Variants in ATRNL1 observed in about 807,000 individuals in gnomAD.
The protein encoded by ATRNL1 is attractin like 1, also known as attractin-like protein 1.
A neutral mutation model predicts 182.7 loss-of-function variants in ATRNL1; 95 were observed. The observed-to-expected ratio is 0.52, with a 90% confidence interval of 0.44 to 0.62. The LOEUF (loss-of-function observed/expected upper bound fraction) is 0.62. Among genes scored for constraint, ATRNL1 ranks in the 20% least tolerant of loss-of-function variants. The probability of loss-of-function intolerance (pLI) is 0.00; values close to 1 mark genes in which losing one functional copy is unlikely to be tolerated. For synonymous variants in ATRNL1, 576 were observed against 568.3 expected, an observed-to-expected ratio of 1.01 and a Z score of -0.19; for missense variants, 1,471 against 1,679.5, an observed-to-expected ratio of 0.88 and a Z score of 2.17.
At chr10:115,593,773 G>A (rs1413114879) in intron 26 of ATRNL1, among the ~76,000 whole-genome samples, 1 of 152,050 alleles carries the variant, frequency 6.6e-6, no homozygotes, top group African/African-American at 2.4e-5. Context: ...ACACTTCCTT[G>A]TAATAATTCT....
chr10:115,223,587 A>G (rs1471345870), intron 9 of ATRNL1, among the ~76,000 whole-genome samples: 1 of 152,044 alleles, frequency 6.6e-6, no homozygotes, highest in Non-Finnish European at 1.5e-5. Flanking sequence ...AAAAACCGGC[A>G]AGAACATAAA....
intron 5 of ATRNL1, among the ~76,000 whole-genome samples, chr10:115,150,617 A>G (rs1347530076): frequency 6.6e-6 from 1 of 151,648 alleles, no homozygotes; most frequent in African/African-American, 2.4e-5. Context: ...CATGTTTTTA[A>G]ATTTGCATGT....
intron 28 of ATRNL1, among the ~76,000 whole-genome samples, chr10:115,933,178 T>C: frequency 6.6e-6 from 1 of 152,214 alleles, no homozygotes; most frequent in East Asian, 1.9e-4. Flanking sequence ...AACCAGGCTG[T>C]TCAGAGATTG....
intron 24 of ATRNL1, among the ~76,000 whole-genome samples, chr10:115,498,419 A>G (rs1214333203): frequency 2.0e-5 from 3 of 152,052 alleles, no homozygotes; most frequent in Non-Finnish European, 4.4e-5. Context: ...GGGTTTTAAA[A>G]TTTATCATGT....
Position 115,240,197 on chromosome 10 carries a change from G to A in ATRNL1, c.1533-1374G>A, listed in dbSNP as rs781991855. Among the ~76,000 whole-genome samples the A allele has an allele frequency of 2.0e-5, 3 of 151,550 alleles. No homozygotes were observed. The South Asian group carries it at 6.3e-4, about 32-fold the overall frequency. ...CCAATTATAGTTCTTTTCCTAGTGG[G>A]AGTGTTTGTGGAACTCCTCATGTTA... On this transcript the variant is annotated intron_variant, in intron 9 of 28. Transcript: ENST00000355044.
chr10:115,690,751 G>T (rs746921197), intron 26 of ATRNL1, among the ~76,000 whole-genome samples: 24 of 152,216 alleles, frequency 1.6e-4, no homozygotes, highest in Non-Finnish European at 2.9e-4. Context: ...GTGCCCAGCT[G>T]CTGCTGCTTA....
chr10:115,631,889 G>A (rs1034741558), intron 26 of ATRNL1, among the ~76,000 whole-genome samples: 2 of 152,000 alleles, frequency 1.3e-5, no homozygotes, highest in African/African-American at 4.8e-5. Flanking sequence ...ATGGCAAGTC[G>A]AGTCTATATT....
intron 26 of ATRNL1, among the ~76,000 whole-genome samples, chr10:115,693,559 G>T (rs182088069): frequency 6.6e-6 from 1 of 152,178 alleles, no homozygotes; most frequent in Admixed American, 6.5e-5. Context: ...TACCTTCTGA[G>T]AAATGCCTCA....
chr10:115,637,542 A>T (rs952216359), intron 26 of ATRNL1, among the ~76,000 whole-genome samples: 7 of 151,342 alleles, frequency 4.6e-5, no homozygotes, highest in Non-Finnish European at 7.4e-5. Flanking sequence ...TCAGAAAATT[A>T]AAAAAATTAC....
intron 26 of ATRNL1, among the ~76,000 whole-genome samples, chr10:115,567,280 T>A (rs1301266620): frequency 1.3e-5 from 2 of 152,158 alleles, no homozygotes; most frequent in Non-Finnish European, 2.9e-5. Context: ...TTAAAGATAA[T>A]GCTTTTTTAG....
At chr10:115,589,447 CACATT>C (rs1340144975) in intron 26 of ATRNL1, among the ~76,000 whole-genome samples, 1 of 152,086 alleles carries the variant, frequency 6.6e-6, no homozygotes, top group Non-Finnish European at 1.5e-5. Flanking sequence ...ATGAAGAAAA[CACATT>C]AAATTGTTAT....
At chr10:115,505,772 T>TAC (rs1355193380) in intron 24 of ATRNL1, among the ~76,000 whole-genome samples, 4 of 151,596 alleles carry the variant, frequency 2.6e-5, no homozygotes, top group Non-Finnish European at 5.9e-5. Flanking sequence ...CAGGCACACA[T>TAC]ACACACACAC....
At chr10:115,692,278 T>G (rs576549716) in intron 26 of ATRNL1, among the ~76,000 whole-genome samples, 188 of 152,306 alleles carry the variant, frequency 1.2e-3, no homozygotes, top group African/African-American at 4.1e-3. Flanking sequence ...GCTTTGAGGA[T>G]CTAATTGCAG....
chr10:115,334,313 C>G lies in ATRNL1; in HGVS notation c.3069C>G (p.Ile1023Met). 1 of 1,579,794 alleles carries G rather than the reference C, an allele frequency of 6.3e-7. No individual in the cohort carries two copies. ...AGTGTAATGGACATAGCACTTGCAT[C>G]AATAATAATGTGTGCGAACAGTGTA... Reference protein sequence around the residue: ...ACQCNGHSTCINNNVCEQCKN... With the variant: ...ACQCNGHSTCMNNNVCEQCKN... Residue 1023 changes from isoleucine to methionine, a missense_variant, in exon 19 of 29, where the codon ATC (isoleucine) becomes ATG (methionine). Around this residue, in one of 3 missense-constraint regions of ATRNL1, gnomAD observed 437 missense variants for 506.0 expected, o/e 0.86. Coordinates refer to ENST00000355044, the MANE Select transcript of ATRNL1 (RefSeq NM_207303.4).
At chr10:115,397,443 C>CTTT (rs1179702977) in intron 20 of ATRNL1, among the ~76,000 whole-genome samples, 1 of 151,902 alleles carries the variant, frequency 6.6e-6, no homozygotes, top group Non-Finnish European at 1.5e-5. Context: ...CTGTTAATTT[C>CTTT]TTTTCTTGCA....
At position 115,120,273 on chromosome 10, in the gene ATRNL1, G is replaced by A; in HGVS notation, c.377+5G>A. On this transcript the variant is annotated splice_donor_5th_base_variant and intron_variant, in intron 2 of 28. Transcript: ENST00000355044. ...TACTTGGCTCATTGAAGGCTAGTAAGTATACAGTCTGAGTCAAATTAATGT... is the reference window on the plus strand; with the variant it reads ...TACTTGGCTCATTGAAGGCTAGTAAATATACAGTCTGAGTCAAATTAATGT... 3 of 1,427,274 alleles carry A rather than the reference G, an allele frequency of 2.1e-6. No individual in the cohort carries two copies. Among genetic ancestry groups the A allele is most frequent in the Non-Finnish European group, 2.9e-6 (3 of 1,022,958 alleles). 88.4% of individuals were successfully genotyped at this position (1,427,274 alleles called of 1,614,324 possible).
chr10:115,532,180 C>T (rs1554988475), intron 25 of ATRNL1, among the ~76,000 whole-genome samples: 1 of 152,060 alleles, frequency 6.6e-6, no homozygotes, highest in African/African-American at 2.4e-5. Flanking sequence ...TCATTGGTAG[C>T]TTGATGGGGA....
chr10:115,916,383 A>G (rs1952850956), intron 28 of ATRNL1, among the ~76,000 whole-genome samples: 1 of 152,246 alleles, frequency 6.6e-6, no homozygotes, highest in African/African-American at 2.4e-5. Flanking sequence ...AAGTCAATAT[A>G]GCCTTGCCCT....
intron 27 of ATRNL1, among the ~76,000 whole-genome samples, chr10:115,799,637 G>A (rs1479296081): frequency 6.6e-6 from 1 of 152,142 alleles, no homozygotes; most frequent in Non-Finnish European, 1.5e-5. Flanking sequence ...ACTAGGTGGT[G>A]CCGAACTTCA....
Sources: allele counts gnomAD v4.1 joint callset (sites outside exome capture counted in the v4.1 genomes callset), GRCh38; gene constraint gnomAD v4.1.1; regional missense constraint gnomAD v4.1.1; transcripts MANE v1.5; gene names NCBI Gene and HGNC (gene_info 2026-07-23, HGNC 2026-07-21).